CENPE: variants seen among roughly 807,000 people sequenced by gnomAD.
The protein encoded by CENPE is centromere protein E.
A neutral mutation model predicts 336.1 loss-of-function variants in CENPE; 145 were observed. The ratio of observed to expected loss-of-function variants is 0.43; its 90% CI spans 0.38 to 0.50. The LOEUF (loss-of-function observed/expected upper bound fraction) is 0.50. CENPE is among the 20% of genes least tolerant of loss of function. CENPE has a pLI of 0.00. For synonymous variants in CENPE, 1,013 were observed against 984.8 expected (o/e 1.03, Z -0.54); for missense variants, 2,719 against 3,023.3 (o/e 0.90, Z 2.36).
rs148750936 is a variant in CENPE at position 103,158,683 on chromosome 4, T to C, written c.2805A>G (p.Lys935=). ...KTLTQEKDDL[K]QLQESLQIER... ...CAATTTGCAAGCTTTCTTGGAGTTGTTTTAGATCATCTTTTTCTTGAGTTA... is the reference window on the plus strand; with the variant it reads ...CAATTTGCAAGCTTTCTTGGAGTTGCTTTAGATCATCTTTTTCTTGAGTTA... The change falls in exon 23 of 49, where the codon AAA becomes AAG. Residue 935 remains lysine (K), a synonymous_variant. Transcript: ENST00000265148. 10 of 1,612,470 alleles carry C rather than the reference T, an allele frequency of 6.2e-6. No individual in the cohort carries two copies. The African/African-American group carries it at 1.2e-4, about 19-fold the overall frequency.
intron 8 of CENPE, among the ~76,000 whole-genome samples, chr4:103,192,261 A>G (rs17217431): frequency 0.15 from 22,329 of 152,156 alleles, 1,959 homozygotes; most frequent in South Asian, 0.3. Flanking sequence ...TACATAATAA[A>G]AGGGCAAAGT....
At chr4:103,131,249 AAAAC>A (rs1751566559) in intron 42 of CENPE, among the ~76,000 whole-genome samples, 1 of 152,224 alleles carries the variant, frequency 6.6e-6, no homozygotes, top group Non-Finnish European at 1.5e-5. Context: ...TAACAATGAG[AAAAC>A]AAATAACCTG....
intron 16 of CENPE, among the ~76,000 whole-genome samples, chr4:103,173,908 A>G (rs1755638555): frequency 6.6e-6 from 1 of 151,966 alleles, no homozygotes; most frequent in East Asian, 1.9e-4. Context: ...ATCCTTTTAT[A>G]CTGTTGGTAG....
Position 103,194,642 on chromosome 4 carries a change from T to C in CENPE, c.520A>G (p.Thr174Ala). 2 of 1,609,470 alleles carry C rather than the reference T, an allele frequency of 1.2e-6. No individual in the cohort carries two copies. Among genetic ancestry groups the C allele is most frequent in the Non-Finnish European group, 1.7e-6 (2 of 1,178,270 alleles). ...VADLTEEVVY[T>A]SEMALKWITK... ...ATCCATTTCAAAGCCATTTCTGATG[T>C]ATATACAACTTCTTCTGTGAGATCA... The change falls in exon 6 of 49, where the codon ACA (threonine) becomes GCA (alanine). Residue 174 changes from threonine (T) to alanine (A), a missense_variant. This residue lies in a region of CENPE where 106 missense variants were observed against 189.3 expected (regional missense o/e 0.56). Coordinates refer to ENST00000265148, the MANE Select transcript of CENPE (RefSeq NM_001813.3).
intron 42 of CENPE, among the ~76,000 whole-genome samples, chr4:103,131,577 T>A (rs1228068235): frequency 6.6e-6 from 1 of 152,196 alleles, no homozygotes; most frequent in African/African-American, 2.4e-5. Flanking sequence ...ACTTTTACTG[T>A]ATGATCCAGA....
chr4:103,183,095 T>C (rs552576078), intron 10 of CENPE, 106 bp downstream of exon 10: 2 of 928,976 alleles, frequency 2.2e-6, no homozygotes, highest in Non-Finnish European at 3.2e-6. Flanking sequence ...AGTTTTTGAA[T>C]ATATGGAAGA....
intron 40 of CENPE, among the ~76,000 whole-genome samples, chr4:103,134,200 T>C (rs770362309): frequency 1.9e-4 from 29 of 152,220 alleles, no homozygotes; most frequent in Admixed American, 3.3e-4. Context: ...CTACAAGTCC[T>C]CCTTTTTCTA....
At chr4:103,125,257 A>G (rs1045936990) in intron 42 of CENPE, among the ~76,000 whole-genome samples, 1 of 152,216 alleles carries the variant, frequency 6.6e-6, no homozygotes, top group African/African-American at 2.4e-5. Flanking sequence ...TGAACTATAA[A>G]ATGTATTTTG....
At chr4:103,197,773 G>A (rs1464727185) in intron 1 of CENPE, among the ~76,000 whole-genome samples, 1 of 152,328 alleles carries the variant, frequency 6.6e-6, no homozygotes, top group African/African-American at 2.4e-5. Context: ...GGGCAATGAC[G>A]GGAGTGTCTG....
chr4:103,111,735 C>T (rs891666780), intron 46 of CENPE, among the ~76,000 whole-genome samples: 1 of 151,746 alleles, frequency 6.6e-6, no homozygotes, highest in African/African-American at 2.4e-5. Context: ...ACAAAGAATC[C>T]TCACTTCTAT....
intron 42 of CENPE, among the ~76,000 whole-genome samples, chr4:103,123,928 A>C (rs968041099): frequency 1.3e-5 from 2 of 152,240 alleles, no homozygotes; most frequent in Non-Finnish European, 2.9e-5. Flanking sequence ...CTTATCAGGT[A>C]GGCACTGTAT....
chr4:103,141,714 T>C (rs775571436), intron 35 of CENPE, 36 bp downstream of exon 35: 1 of 1,416,504 alleles, frequency 7.1e-7, no homozygotes, highest in South Asian at 1.3e-5. Flanking sequence ...ACAAACAAAT[T>C]AGATATCCAA....
intron 42 of CENPE, among the ~76,000 whole-genome samples, chr4:103,129,932 A>T (rs1043987355): frequency 1.3e-5 from 2 of 152,218 alleles, no homozygotes; most frequent in African/African-American, 2.4e-5. Flanking sequence ...TCACATGATC[A>T]TATCAATGGA....
intron 21 of CENPE, 61 bp downstream of exon 21, chr4:103,160,564 C>T: frequency 7.3e-7 from 1 of 1,370,812 alleles, no homozygotes; most frequent in Non-Finnish European, 1.0e-6. Context: ...ATATTTAAGG[C>T]ACTATTATCG....
chr4:103,124,864 G>C (rs964257440), intron 42 of CENPE, among the ~76,000 whole-genome samples: 3 of 152,060 alleles, frequency 2.0e-5, no homozygotes, highest in African/African-American at 4.8e-5. Flanking sequence ...CTTGGCTCTG[G>C]ACTATGCACC....
intron 39 of CENPE, 25 bp from the exon 40 acceptor site, chr4:103,136,384 A>G (rs1752072665): frequency 1.4e-6 from 2 of 1,468,340 alleles, no homozygotes; most frequent in East Asian, 4.5e-5. Context: ...AATTCACTCA[A>G]TTTATAACAA....
intron 47 of CENPE, among the ~76,000 whole-genome samples, chr4:103,109,353 TACA>T (rs1749188209): frequency 6.6e-6 from 1 of 152,166 alleles, no homozygotes; most frequent in Admixed American, 6.6e-5. Context: ...AAGCTCTAAG[TACA>T]ACATTAGGTT....
intron 26 of CENPE, 133 bp from the exon 27 acceptor site, chr4:103,149,541 G>A (rs1052255871): frequency 1.2e-5 from 9 of 769,540 alleles, no homozygotes; most frequent in African/African-American, 5.3e-5. Flanking sequence ...AAACTCACAG[G>A]CATAAATGTC....
intron 13 of CENPE, among the ~76,000 whole-genome samples, chr4:103,178,471 C>G (rs1016361505): frequency 4.6e-5 from 7 of 152,142 alleles, no homozygotes; most frequent in African/African-American, 1.7e-4. Flanking sequence ...AGAGTACTAC[C>G]TGCACAGAAG....
Sources: allele counts gnomAD v4.1 joint callset (sites outside exome capture counted in the v4.1 genomes callset), GRCh38; gene constraint gnomAD v4.1.1; regional missense constraint gnomAD v4.1.1; transcripts MANE v1.5; gene names NCBI Gene and HGNC (gene_info 2026-07-23, HGNC 2026-07-21).